CD247: variants seen among roughly 807,000 people sequenced by gnomAD.
CD247 encodes the protein CD247 molecule.
A neutral mutation model predicts 30.0 loss-of-function variants in CD247; 13 were observed. The observed-to-expected ratio is 0.43, with a 90% CI of 0.28 to 0.69. The LOEUF (loss-of-function observed/expected upper bound fraction) is 0.69. CD247 is among the 30% of genes least tolerant of loss of function. The pLI, the probability that CD247 is intolerant of heterozygous loss-of-function variation, is 0.16. For synonymous variants in CD247, 72 were observed against 80.0 expected (o/e 0.90, Z 0.53); for missense variants, 193 against 212.6 (o/e 0.91, Z 0.57).
chr1:167,485,959 A>C (rs1377854289), intron 1 of CD247, among the ~76,000 whole-genome samples: 1 of 151,994 alleles, frequency 6.6e-6, no homozygotes, highest in Non-Finnish European at 1.5e-5. Context: ...GAGGCTGGGG[A>C]GGGGAGGGTT....
intron 1 of CD247, among the ~76,000 whole-genome samples, chr1:167,477,381 T>A (rs896327319): frequency 2.0e-5 from 3 of 152,160 alleles, no homozygotes; most frequent in African/African-American, 7.2e-5. Flanking sequence ...CTGCTTTTCT[T>A]TTTTTCCAAA....
At chr1:167,466,409 C>T (rs962219678) in intron 1 of CD247, among the ~76,000 whole-genome samples, 1 of 150,324 alleles carries the variant, frequency 6.7e-6, no homozygotes, top group Non-Finnish European at 1.5e-5. Flanking sequence ...GTACCACATT[C>T]GTCTTTTTTT....
chr1:167,471,215 C>A (rs920077217), intron 1 of CD247, among the ~76,000 whole-genome samples: 16 of 151,974 alleles, frequency 1.1e-4, no homozygotes, highest in African/African-American at 3.9e-4. Context: ...AAACATGTAC[C>A]CTAAAAGACA....
chr1:167,447,000 AAAT>A (rs1652115808), intron 1 of CD247, among the ~76,000 whole-genome samples: 1 of 152,304 alleles, frequency 6.6e-6, no homozygotes, highest in East Asian at 1.9e-4. Flanking sequence ...GTCTCAAAAA[AAAT>A]AAAAAGAGAT....
chr1:167,490,225 T>C (rs914899920), intron 1 of CD247, among the ~76,000 whole-genome samples: 20 of 152,382 alleles, frequency 1.3e-4, no homozygotes, highest in Non-Finnish European at 1.9e-4. Context: ...TTCCAGACTC[T>C]GCCTGCAAAG....
intron 1 of CD247, among the ~76,000 whole-genome samples, chr1:167,482,877 GT>G (rs1328347443): frequency 2.6e-5 from 4 of 152,076 alleles, no homozygotes; most frequent in African/African-American, 4.8e-5. Flanking sequence ...AAACTAAAAT[GT>G]GGGGAGGGGG....
intron 1 of CD247, among the ~76,000 whole-genome samples, chr1:167,446,460 C>T (rs982603826): frequency 4.6e-5 from 7 of 152,178 alleles, no homozygotes; most frequent in African/African-American, 1.7e-4. Context: ...AGCGTCAATT[C>T]TCCTATCTGC....
chr1:167,485,887 A>G (rs1024539129), intron 1 of CD247, among the ~76,000 whole-genome samples: 1 of 152,180 alleles, frequency 6.6e-6, no homozygotes, highest in African/African-American at 2.4e-5. Context: ...GGGTGGGGAA[A>G]GAAACTATGG....
At chr1:167,444,586 G>A (rs1172438222) in intron 1 of CD247, among the ~76,000 whole-genome samples, 2 of 152,060 alleles carry the variant, frequency 1.3e-5, no homozygotes, top group Non-Finnish European at 2.9e-5. Flanking sequence ...TCAATCCACC[G>A]CCCTCTCCCC....
At chr1:167,466,313 C>CT (rs1282454293) in intron 1 of CD247, among the ~76,000 whole-genome samples, 16 of 152,272 alleles carry the variant, frequency 1.1e-4, no homozygotes, top group African/African-American at 3.6e-4. Flanking sequence ...CCAATTAACT[C>CT]TGATAGCCTT....
chr1:167,468,385 C>A (rs942166846), intron 1 of CD247, among the ~76,000 whole-genome samples: 1 of 152,172 alleles, frequency 6.6e-6, no homozygotes, highest in Non-Finnish European at 1.5e-5. Context: ...TACAAAGCAT[C>A]GTTATAATTT....
chr1:167,489,708 G>A (rs897598803), intron 1 of CD247, among the ~76,000 whole-genome samples: 48 of 152,236 alleles, frequency 3.2e-4, no homozygotes, highest in African/African-American at 9.9e-4. Flanking sequence ...GTTTTCAAAG[G>A]GCAAGAGCCC....
chr1:167,446,134 G>C (rs840011), intron 1 of CD247, among the ~76,000 whole-genome samples: 151,668 of 152,274 alleles, frequency 1, 75,536 homozygotes, highest in Middle Eastern at 1. Flanking sequence ...CTTCGATGCA[G>C]CTGACCTATG....
intron 1 of CD247, among the ~76,000 whole-genome samples, chr1:167,451,219 A>C (rs916526496): frequency 6.6e-6 from 1 of 152,170 alleles, no homozygotes; most frequent in East Asian, 1.9e-4. Context: ...TTCCTTGGCC[A>C]GTGGCTTTTA....
In CD247 at chr1:167,431,321, G is replaced by A; in HGVS notation, c.*360C>T. The A allele has an allele frequency of 1.7e-6, 1 of 588,446 alleles. No individual in the cohort carries two copies. The highest frequency in any genetic ancestry group is 2.2e-5 in the South Asian group (1 of 45,476). 36.5% of individuals were successfully genotyped at this position (588,446 alleles called of 1,614,324 possible). Reference sequence around the variant, plus strand: ...GATACAGACATTAGGGCATGTGCTAGCATCTGCGCTTTCTCTGGGGACTTT... The same window carrying A: ...GATACAGACATTAGGGCATGTGCTAACATCTGCGCTTTCTCTGGGGACTTT... On this transcript the variant is annotated 3_prime_UTR_variant, in exon 8 of 8. Coordinates refer to ENST00000362089, the MANE Select transcript of CD247 (RefSeq NM_198053.3).
intron 1 of CD247, chr1:167,459,666 T>C (rs1057343774): frequency 3.3e-5 from 5 of 152,228 alleles, no homozygotes; most frequent in African/African-American, 1.2e-4. Flanking sequence ...TTGTACCTTT[T>C]TTACATTAAC....
chr1:167,473,125 A>ACACG (rs781414075), intron 1 of CD247, among the ~76,000 whole-genome samples: 2 of 150,628 alleles, frequency 1.3e-5, no homozygotes, highest in East Asian at 1.9e-4. Context: ...ACACACACAC[A>ACACG]CCCATCTGTA....
intron 1 of CD247, among the ~76,000 whole-genome samples, chr1:167,478,532 T>C (rs1446135790): frequency 2.6e-5 from 4 of 152,134 alleles, no homozygotes; most frequent in Non-Finnish European, 5.9e-5. Context: ...GGAACACGGG[T>C]CAGATTGGTA....
At chr1:167,510,866 C>T (rs554922258) in intron 1 of CD247, among the ~76,000 whole-genome samples, 3 of 152,344 alleles carry the variant, frequency 2.0e-5, no homozygotes, top group Non-Finnish European at 2.9e-5. Flanking sequence ...CCATCACAGA[C>T]ATCCTGCTGC....
Sources: allele counts gnomAD v4.1 joint callset (sites outside exome capture counted in the v4.1 genomes callset), GRCh38; gene constraint gnomAD v4.1.1; transcripts MANE v1.5; gene names NCBI Gene and HGNC (gene_info 2026-07-23, HGNC 2026-07-21).